Variants in ANKIB1 observed in about 807,000 individuals in gnomAD.
ANKIB1 encodes the protein ankyrin repeat and IBR domain containing 1, also known as ankyrin repeat and IBR domain-containing protein 1.
A neutral mutation model predicts 122.1 loss-of-function variants in ANKIB1; 43 were observed. The observed-to-expected ratio is 0.35, with a 90% CI of 0.28 to 0.45. The LOEUF (loss-of-function observed/expected upper bound fraction) is 0.45. Among genes scored for constraint, ANKIB1 ranks in the 20% least tolerant of loss-of-function variants. ANKIB1 has a pLI of 1.00. For missense variants in ANKIB1, 992 were observed against 1,329.5 expected (o/e 0.75, Z 3.95); for synonymous variants, 390 against 442.0 (o/e 0.88, Z 1.48).
chr7:92,376,488 C>A (rs1394832615), intron 11 of ANKIB1, among the ~76,000 whole-genome samples: 1 of 146,844 alleles, frequency 6.8e-6, no homozygotes, highest in Non-Finnish European at 1.5e-5. Context: ...TCGCTCTTGT[C>A]CCCCAGGCTG....
intron 9 of ANKIB1, among the ~76,000 whole-genome samples, chr7:92,360,433 T>G (rs1382043587): frequency 6.6e-6 from 1 of 152,212 alleles, no homozygotes; most frequent in Non-Finnish European, 1.5e-5. Flanking sequence ...TATTCAATTG[T>G]GTGAACGTGT....
At chr7:92,288,759 G>A (rs1802189230) in intron 1 of ANKIB1, among the ~76,000 whole-genome samples, 1 of 151,996 alleles carries the variant, frequency 6.6e-6, no homozygotes, top group Non-Finnish European at 1.5e-5. Flanking sequence ...AAGCATGAAA[G>A]CATGTTCGAC....
intron 2 of ANKIB1, among the ~76,000 whole-genome samples, chr7:92,305,048 AT>A (rs1802531589): frequency 6.6e-6 from 1 of 152,170 alleles, no homozygotes; most frequent in Non-Finnish European, 1.5e-5. Context: ...TGTATATCAG[AT>A]TTATGTTTCC....
intron 4 of ANKIB1, among the ~76,000 whole-genome samples, chr7:92,322,789 A>G (rs1420401838): frequency 8.5e-5 from 13 of 152,170 alleles, no homozygotes; most frequent in Admixed American, 8.5e-4. Context: ...GCTGCAGTGA[A>G]TATTTGTCTG....
chr7:92,394,666 G>A (rs1265660872), intron 17 of ANKIB1, among the ~76,000 whole-genome samples: 4 of 152,168 alleles, frequency 2.6e-5, no homozygotes, highest in African/African-American at 9.7e-5. Context: ...AAGAAATCTA[G>A]TTGGTGTTCC....
At position 92,354,392 on chromosome 7, in the gene ANKIB1, A is replaced by G. The variant is rs557205996; in HGVS notation, c.1397+1750A>G. Among the ~76,000 whole-genome samples the G allele has an allele frequency of 3.3e-5, 5 of 152,328 alleles. No individual in the cohort carries two copies. The East Asian group carries it at 5.8e-4, about 18-fold the overall frequency. ...ATCCCAGTTCAAGGGATAAACTCAC[A>G]TGTGAGTCCATGTGAATGGCCACAT... On this transcript the variant is annotated intron_variant, in intron 9 of 19. Transcript: ENST00000265742.
chr7:92,277,290 T>C (rs1413155956), intron 1 of ANKIB1, among the ~76,000 whole-genome samples: 1 of 152,216 alleles, frequency 6.6e-6, no homozygotes, highest in East Asian at 1.9e-4. Context: ...TCACAATTGT[T>C]AGGATACTCC....
At chr7:92,341,109 A>G (rs1226483439) in intron 5 of ANKIB1, among the ~76,000 whole-genome samples, 2 of 152,084 alleles carry the variant, frequency 1.3e-5, no homozygotes, top group Non-Finnish European at 2.9e-5. Context: ...GTTTGAGACC[A>G]GCCTGGGCAA....
intron 11 of ANKIB1, among the ~76,000 whole-genome samples, chr7:92,375,463 A>G (rs983263499): frequency 6.6e-6 from 1 of 152,238 alleles, no homozygotes; most frequent in Non-Finnish European, 1.5e-5. Flanking sequence ...AGTCTTTACC[A>G]GGAGCCTATT....
At chr7:92,273,439 A>G (rs1453570439) in intron 1 of ANKIB1, among the ~76,000 whole-genome samples, 2 of 152,230 alleles carry the variant, frequency 1.3e-5, no homozygotes, top group African/African-American at 2.4e-5. Context: ...ATTTATTACT[A>G]TGAGTTTCAT....
chr7:92,398,336 G>A lies in ANKIB1; in HGVS notation c.2657G>A (p.Gly886Asp). The change falls in exon 20 of 20, where the codon GGT becomes GAT. Residue 886 changes from glycine to aspartate, a missense_variant. Physicochemically the swap from Gly to Asp is moderately conservative, Grantham distance 94. Around this residue, in one of 4 missense-constraint regions of ANKIB1, gnomAD observed 384 missense variants for 412.0 expected, o/e 0.93. Transcript: ENST00000265742. The stretch of plus-strand genomic sequence containing the variant: ...TTCCTCAGTAATGAAGCATCCTTAG[G>A]TGCGATAGGCACTTCTTTACCTTCC... ...RDFLSNEASL[G>D]AIGTSLPSRL... 1 of 1,613,580 alleles carries A rather than the reference G, an allele frequency of 6.2e-7. No homozygotes were observed. Among genetic ancestry groups the A allele is most frequent in the Non-Finnish European group, 8.5e-7 (1 of 1,179,708 alleles).
At chr7:92,315,007 G>A (rs1298174221) in intron 3 of ANKIB1, among the ~76,000 whole-genome samples, 3 of 151,658 alleles carry the variant, frequency 2.0e-5, no homozygotes, top group African/African-American at 7.3e-5. Flanking sequence ...AGAAAGCAAG[G>A]GAAAGAAAGG....
At chr7:92,379,315 C>T (rs1371902514) in intron 11 of ANKIB1, among the ~76,000 whole-genome samples, 4 of 152,118 alleles carry the variant, frequency 2.6e-5, no homozygotes, top group African/African-American at 9.7e-5. Context: ...TGGTGTGAAC[C>T]TGGGAGGCAG....
At chr7:92,341,296 C>A (rs1267024595) in intron 5 of ANKIB1, among the ~76,000 whole-genome samples, 1 of 145,626 alleles carries the variant, frequency 6.9e-6, no homozygotes, top group Non-Finnish European at 1.5e-5. Flanking sequence ...GGTGACAAAG[C>A]GAGACCCTGT....
At chr7:92,330,064 C>T (rs2131960657) in intron 5 of ANKIB1, among the ~76,000 whole-genome samples, 1 of 152,298 alleles carries the variant, frequency 6.6e-6, no homozygotes, top group African/African-American at 2.4e-5. Flanking sequence ...TGTCAGTCTT[C>T]CCATTTCTTT....
At chr7:92,359,444 G>T (rs1019544250) in intron 9 of ANKIB1, among the ~76,000 whole-genome samples, 1 of 152,178 alleles carries the variant, frequency 6.6e-6, no homozygotes, top group Admixed American at 6.5e-5. Context: ...GTGTATATGT[G>T]CCACATTTTC....
At chr7:92,347,517 A>T (rs189429001) in intron 7 of ANKIB1, among the ~76,000 whole-genome samples, 2 of 152,252 alleles carry the variant, frequency 1.3e-5, no homozygotes, top group Non-Finnish European at 2.9e-5. Flanking sequence ...AGGCAGAAGG[A>T]TCACTTGAGC....
chr7:92,273,427 T>C (rs1390912167), intron 1 of ANKIB1, among the ~76,000 whole-genome samples: 2 of 152,170 alleles, frequency 1.3e-5, no homozygotes, highest in Non-Finnish European at 2.9e-5. Context: ...ACAGAAGAAA[T>C]GATTTATTAC....
At chr7:92,332,064 C>T (rs1803184715) in intron 5 of ANKIB1, among the ~76,000 whole-genome samples, 1 of 152,114 alleles carries the variant, frequency 6.6e-6, no homozygotes, top group Non-Finnish European at 1.5e-5. Context: ...AAGATGAAAC[C>T]CAACTGAATT....
Sources: gnomAD v4.1 joint callset for allele counts (sites outside exome capture counted in the v4.1 genomes callset) on GRCh38, gnomAD v4.1.1 for gene constraint, gnomAD v4.1.1 regional missense constraint, MANE v1.5 for transcripts, NCBI Gene and HGNC (gene_info 2026-07-23, HGNC 2026-07-21) for gene names.